The following COL4A2 variants were observed in gnomAD, a reference collection of about 807,000 sequenced individuals.
The protein encoded by COL4A2 is collagen type IV alpha 2 chain, also known as collagen alpha-2(IV) chain.
In COL4A2, 99 loss-of-function variants were observed where a neutral mutation model predicts 200.2. That is an observed-to-expected ratio of 0.49 (90% CI 0.42 to 0.58). The LOEUF is 0.58. Among genes scored for constraint, COL4A2 ranks in the 20% least tolerant of loss-of-function variants. COL4A2 has a pLI of 0.00. For missense variants in COL4A2, 1,950 were observed against 2,314.1 expected, an observed-to-expected ratio of 0.84 and a Z score of 3.23; for synonymous variants, 897 against 900.6, an observed-to-expected ratio of 1.00 and a Z score of 0.07.
chr13:110,505,219 G>A (rs559024244), intron 45 of COL4A2, among the ~76,000 whole-genome samples: 20 of 152,020 alleles, frequency 1.3e-4, no homozygotes, highest in South Asian at 8.3e-4. Flanking sequence ...GCGTGGTGGC[G>A]GGCGCCAGTA....
At position 110,499,494 on chromosome 13, in the gene COL4A2, C is replaced by T. The variant is rs530315274; in HGVS notation, c.3761-2174C>T. ...ATTACTTCCCACCAGGTCCCTCCTA[C>T]GACATGTAGGGACTTTGGGAACTAC... is the stretch of plus-strand genomic sequence containing the variant. On this transcript the variant is annotated intron_variant, in intron 40 of 47. Coordinates refer to ENST00000360467, the MANE Select transcript of COL4A2 (RefSeq NM_001846.4). Among the ~76,000 whole-genome samples the T allele has an allele frequency of 1.0e-3, 158 of 150,924 alleles. 3 individuals are homozygous for T. In the South Asian group the frequency reaches 0.03, roughly 29 times the overall value.
chr13:110,483,915 TAAATTATAC>T (rs955455359), intron 32 of COL4A2, among the ~76,000 whole-genome samples: 1 of 152,202 alleles, frequency 6.6e-6, no homozygotes, highest in African/African-American at 2.4e-5. Context: ...GTAGGGTATA[TAAATTATAC>T]ATCAATAAGC....
intron 4 of COL4A2, among the ~76,000 whole-genome samples, chr13:110,401,021 G>A (rs1221635292): frequency 3.3e-5 from 5 of 152,174 alleles, no homozygotes; most frequent in South Asian, 2.1e-4. Flanking sequence ...ACACACCCAC[G>A]CATTTCCAAC....
Position 110,478,159 on chromosome 13 carries a change from G to T in COL4A2, c.2582G>T (p.Arg861Leu). The T allele has an allele frequency of 6.3e-7, 1 of 1,589,600 alleles. No individual in the cohort carries two copies. Among genetic ancestry groups the T allele is most frequent in the Non-Finnish European group, 8.6e-7 (1 of 1,167,592 alleles). Residue 861 changes from arginine to leucine, a missense_variant, in exon 30 of 48, where the codon CGT becomes CTT. Coordinates refer to ENST00000360467, the MANE Select transcript of COL4A2 (RefSeq NM_001846.4). ...GPLGLPGIPG[R>L]EGLPGDRGDP... ...TTGGGGCTGCCAGGAATCCCAGGCC[G>T]TGAAGGTAAGACCCCAGCCCTCCCA...
intron 18 of COL4A2, among the ~76,000 whole-genome samples, chr13:110,448,997 T>C (rs370911654): frequency 2.0e-5 from 3 of 152,336 alleles, no homozygotes; most frequent in South Asian, 4.1e-4. Flanking sequence ...GGAGACGCCA[T>C]ACACGGAAGT....
At chr13:110,419,353 G>A (rs1301375450) in intron 4 of COL4A2, among the ~76,000 whole-genome samples, 2 of 152,176 alleles carry the variant, frequency 1.3e-5, no homozygotes, top group Non-Finnish European at 2.9e-5. Context: ...TTTATCCTGG[G>A]CAACACTGTT....
At chr13:110,412,269 A>G (rs769958053) in intron 4 of COL4A2, among the ~76,000 whole-genome samples, 10 of 152,234 alleles carry the variant, frequency 6.6e-5, no homozygotes, top group South Asian at 2.1e-4. Flanking sequence ...GACTTTCCCC[A>G]TGGGAGGTGA....
intron 34 of COL4A2, among the ~76,000 whole-genome samples, chr13:110,488,808 G>A (rs1461123714): frequency 1.3e-5 from 2 of 152,208 alleles, no homozygotes; most frequent in East Asian, 3.8e-4. Context: ...ATGGTGGAGC[G>A]AGGATGTAGT....
At chr13:110,493,930 GACCTGGCCTAACCCTAATC>G (rs1382391224) in intron 39 of COL4A2, among the ~76,000 whole-genome samples, 2 of 152,092 alleles carry the variant, frequency 1.3e-5, no homozygotes, top group African/African-American at 4.8e-5. Context: ...CCACCCTCAT[GACCTGGCCTAACCCTAATC>G]ACCTCCCAAA....
At chr13:110,321,959 G>C (rs930867213) in intron 3 of COL4A2, among the ~76,000 whole-genome samples, 34 of 152,336 alleles carry the variant, frequency 2.2e-4, no homozygotes, top group Admixed American at 2.1e-3. Flanking sequence ...GTGAGATTTA[G>C]GTGGGGACAC....
chr13:110,479,884 C>T (rs543516363), intron 30 of COL4A2, among the ~76,000 whole-genome samples: 9 of 152,302 alleles, frequency 5.9e-5, no homozygotes, highest in African/African-American at 1.9e-4. Context: ...TCTTGACTAA[C>T]CCCAGTGACC....
intron 45 of COL4A2, 90 bp downstream of exon 45, chr13:110,504,354 G>C (rs1023057571): frequency 9.2e-7 from 1 of 1,082,518 alleles, no homozygotes; most frequent in Admixed American, 1.9e-5. Flanking sequence ...ACACACGAGA[G>C]CCCAGAAAAG....
At chr13:110,473,372 T>C in intron 29 of COL4A2, 1 of 521,590 alleles carries the variant, frequency 1.9e-6, no homozygotes, top group Non-Finnish European at 3.4e-6. Flanking sequence ...TCTGAGAACT[T>C]TGACAGGTGT....
At position 110,485,786 on chromosome 13, in the gene COL4A2, G is replaced by A. The variant is rs1440092987; in HGVS notation, c.3157G>A (p.Val1053Met). The A allele has an allele frequency of 6.2e-7, 1 of 1,613,798 alleles. No homozygotes were observed. Among genetic ancestry groups the A allele is most frequent in the Non-Finnish European group, 8.5e-7 (1 of 1,179,946 alleles). ...CCCCGGTTTGCCAGGATTCCCTGGG[G>A]TGGCTGGCCCCCCTGGAATTACGGG... ...GIPGLPGFPG[V>M]AGPPGITGFP... Residue 1053 changes from valine to methionine, a missense_variant, in exon 34 of 48, where the codon GTG (valine) becomes ATG (methionine). By Grantham distance (21) the Val-to-Met change is conservative. Transcript: ENST00000360467.
At chr13:110,369,899 T>G (rs2139400511) in intron 4 of COL4A2, among the ~76,000 whole-genome samples, 1 of 152,284 alleles carries the variant, frequency 6.6e-6, no homozygotes, top group African/African-American at 2.4e-5. Context: ...AGAACATGAT[T>G]TATTGAATCT....
intron 3 of COL4A2, among the ~76,000 whole-genome samples, chr13:110,325,229 A>G (rs1039661248): frequency 6.6e-6 from 1 of 152,258 alleles, no homozygotes; most frequent in Non-Finnish European, 1.5e-5. Flanking sequence ...ACCAATGATC[A>G]GAAACAGAAA....
At chr13:110,383,573 T>C (rs1013632294) in intron 4 of COL4A2, among the ~76,000 whole-genome samples, 1 of 150,798 alleles carries the variant, frequency 6.6e-6, no homozygotes, top group Non-Finnish European at 1.5e-5. Flanking sequence ...AACAGGAGGA[T>C]GCAATCAGTG....
chr13:110,371,517 A>G (rs1029195074), intron 4 of COL4A2, among the ~76,000 whole-genome samples: 1 of 152,166 alleles, frequency 6.6e-6, no homozygotes, highest in Non-Finnish European at 1.5e-5. Flanking sequence ...TTAGCACTTA[A>G]TCTTATCTGA....
intron 4 of COL4A2, among the ~76,000 whole-genome samples, chr13:110,419,810 T>A (rs1248175825): frequency 6.6e-6 from 1 of 152,202 alleles, no homozygotes; most frequent in Non-Finnish European, 1.5e-5. Context: ...CTTGTAGATA[T>A]CACTGAAGTA....
Sources: allele counts gnomAD v4.1 joint callset (sites outside exome capture counted in the v4.1 genomes callset), GRCh38; gene constraint gnomAD v4.1.1; transcripts MANE v1.5; gene names NCBI Gene and HGNC (gene_info 2026-07-23, HGNC 2026-07-21).